ASZ1: variants seen among roughly 807,000 people sequenced by gnomAD.
ASZ1 encodes ankyrin repeat, SAM and basic leucine zipper domain containing 1, also known as ankyrin repeat, SAM and basic leucine zipper domain-containing protein 1.
A neutral mutation model predicts 61.8 loss-of-function variants in ASZ1; 67 were observed. The observed-to-expected ratio is 1.08, with a 90% confidence interval of 0.89 to 1.33. The LOEUF (loss-of-function observed/expected upper bound fraction) is 1.33, where lower values mean the gene tolerates loss of function less well. ASZ1 is among the 40% of genes most tolerant of loss of function. The probability of loss-of-function intolerance (pLI) is 0.00; values close to 1 mark genes in which losing one functional copy is unlikely to be tolerated. For synonymous variants in ASZ1, 193 were observed against 192.7 expected, an observed-to-expected ratio of 1.00 and a Z score of -0.01; for missense variants, 577 against 554.5, an observed-to-expected ratio of 1.04 and a Z score of -0.41.
chr7:117,390,421 G>A (rs1370637005), intron 4 of ASZ1, among the ~76,000 whole-genome samples: 2 of 152,122 alleles, frequency 1.3e-5, no homozygotes, highest in East Asian at 3.9e-4. Flanking sequence ...CTCCCAGCTA[G>A]GCCTCCCAAA....
chr7:117,408,561 A>G (rs1796835531), intron 4 of ASZ1, among the ~76,000 whole-genome samples: 1 of 152,174 alleles, frequency 6.6e-6, no homozygotes, highest in Admixed American at 6.6e-5. Flanking sequence ...AAGATCTGAA[A>G]TAATATAGAA....
In ASZ1 at chr7:117,403,587, T is replaced by C. The variant is rs1168799052; in HGVS notation, c.440+16576A>G. Among the ~76,000 whole-genome samples, 3 of 152,150 alleles carry C rather than the reference T, an allele frequency of 2.0e-5. No individual in the cohort carries two copies. The East Asian group carries it at 5.8e-4, about 29-fold the overall frequency. The stretch of plus-strand genomic sequence containing the variant: ...GATGTATTTTGGGACAGGAGCTATA[T>C]ATACTAAATAGGGTCTTCGTGACAG... On this transcript the variant is annotated intron_variant, in intron 4 of 12. Transcript: ENST00000284629.
chr7:117,399,300 T>TA (rs1171586278), intron 4 of ASZ1, among the ~76,000 whole-genome samples: 1 of 152,030 alleles, frequency 6.6e-6, no homozygotes, highest in East Asian at 1.9e-4. Flanking sequence ...AACCAAACAA[T>TA]AAAAAACAAC....
intron 12 of ASZ1, among the ~76,000 whole-genome samples, 199 bp from the exon 13 acceptor site, chr7:117,363,947 T>G (rs1795879494): frequency 6.6e-6 from 1 of 152,198 alleles, no homozygotes; most frequent in Middle Eastern, 3.2e-3. Context: ...CCCATTACTG[T>G]AAATCATTAG....
chr7:117,422,293 T>C lies in ASZ1; in HGVS notation c.272A>G (p.Asn91Ser), dbSNP rs558179484. The C allele has an allele frequency of 4.5e-5, 72 of 1,613,878 alleles. No individual in the cohort carries two copies. In the East Asian group the frequency reaches 5.8e-4, roughly 13 times the overall value. Residue 91 changes from asparagine (N) to serine (S), a missense_variant, in exon 3 of 13, where the codon AAT becomes AGT. By Grantham distance (46) the Asn-to-Ser change is conservative (BLOSUM62 1). Coordinates refer to ENST00000284629, the MANE Select transcript of ASZ1 (RefSeq NM_130768.3). ...CAAAAGGACCCGAACCAGCTCTGCA[T>C]TGGCAACACTAGCAGCATACATAAG... is the stretch of plus-strand genomic sequence containing the variant. ...TPLMYAASVA[N>S]AELVRVLLDR...
chr7:117,381,790 G>T (rs907579595), intron 8 of ASZ1, among the ~76,000 whole-genome samples: 2 of 152,132 alleles, frequency 1.3e-5, no homozygotes, highest in African/African-American at 4.8e-5. Flanking sequence ...TACTCAAGAA[G>T]ATGAGCAACT....
intron 4 of ASZ1, among the ~76,000 whole-genome samples, chr7:117,386,181 C>T (rs1318021539): frequency 2.0e-5 from 3 of 152,126 alleles, no homozygotes; most frequent in African/African-American, 7.2e-5. Context: ...AAGGTCCCTG[C>T]CCTCAAAGGA....
intron 4 of ASZ1, among the ~76,000 whole-genome samples, chr7:117,407,860 C>G (rs1033706577): frequency 6.6e-6 from 1 of 152,130 alleles, no homozygotes. Flanking sequence ...CAAGCCACGA[C>G]AATGTCAATG....
intron 4 of ASZ1, among the ~76,000 whole-genome samples, chr7:117,412,951 T>G (rs1208239210): frequency 6.6e-6 from 1 of 151,864 alleles, no homozygotes; most frequent in Non-Finnish European, 1.5e-5. Flanking sequence ...TTCAATTCAT[T>G]TGACTGAAGG....
intron 4 of ASZ1, among the ~76,000 whole-genome samples, chr7:117,411,848 G>C (rs1796895591): frequency 6.6e-6 from 1 of 151,612 alleles, no homozygotes; most frequent in Non-Finnish European, 1.5e-5. Context: ...TTGGCAGTCT[G>C]GTTCATAAGA....
At chr7:117,370,447 T>C (rs1796028179) in intron 10 of ASZ1, among the ~76,000 whole-genome samples, 1 of 152,124 alleles carries the variant, frequency 6.6e-6, no homozygotes, top group African/African-American at 2.4e-5. Flanking sequence ...GGAGAAAAGA[T>C]TAGGCACATT....
chr7:117,364,482 G>A (rs1162424737), intron 12 of ASZ1, among the ~76,000 whole-genome samples: 4 of 152,054 alleles, frequency 2.6e-5, no homozygotes, highest in Non-Finnish European at 5.9e-5. Flanking sequence ...CTTAAAGAGG[G>A]AGGGCTGAGA....
chr7:117,364,977 A>G (rs1171399413), intron 12 of ASZ1, among the ~76,000 whole-genome samples: 7 of 152,104 alleles, frequency 4.6e-5, no homozygotes, highest in Non-Finnish European at 8.8e-5. Context: ...TGTTACCTCC[A>G]TACACTTATC....
intron 4 of ASZ1, among the ~76,000 whole-genome samples, chr7:117,397,802 C>A (rs920875299): frequency 6.6e-6 from 1 of 151,424 alleles, no homozygotes; most frequent in Non-Finnish European, 1.5e-5. Flanking sequence ...CTCTGTTCCA[C>A]TAAGTCTCAG....
At chr7:117,365,785 TTA>T (rs766721796) in intron 12 of ASZ1, among the ~76,000 whole-genome samples, 17 of 152,246 alleles carry the variant, frequency 1.1e-4, no homozygotes, top group Non-Finnish European at 1.9e-4. Context: ...GCAGGCAGTC[TTA>T]TGTTTGTTGA....
intron 4 of ASZ1, among the ~76,000 whole-genome samples, chr7:117,395,656 C>T (rs1039908929): frequency 6.6e-6 from 1 of 152,062 alleles, no homozygotes. Flanking sequence ...GAAGTTTGCA[C>T]ATTAGTTTTG....
intron 10 of ASZ1, among the ~76,000 whole-genome samples, chr7:117,378,598 C>T (rs1024309140): frequency 6.6e-6 from 1 of 152,030 alleles, no homozygotes; most frequent in Admixed American, 6.6e-5. Flanking sequence ...ACAGTACTGC[C>T]ATTCTGGAAA....
intron 4 of ASZ1, among the ~76,000 whole-genome samples, chr7:117,394,724 C>G (rs1353781992): frequency 6.6e-6 from 1 of 152,148 alleles, no homozygotes; most frequent in African/African-American, 2.4e-5. Context: ...CTTTCCATTT[C>G]TTTAGCCCTT....
At chr7:117,426,332 A>AG (rs1797210371) in intron 2 of ASZ1, among the ~76,000 whole-genome samples, 1 of 150,374 alleles carries the variant, frequency 6.7e-6, no homozygotes, top group South Asian at 2.1e-4. Context: ...ATACAAAAAA[A>AG]AAAAAAAATT....
Sources: gnomAD v4.1 joint callset for allele counts (sites outside exome capture counted in the v4.1 genomes callset) on GRCh38, gnomAD v4.1.1 for gene constraint, MANE v1.5 for transcripts, NCBI Gene and HGNC (gene_info 2026-07-23, HGNC 2026-07-21) for gene names.